MTHFD1: variants seen among roughly 807,000 people sequenced by gnomAD.
MTHFD1 encodes C-1-tetrahydrofolate synthase, cytoplasmic.
Under a neutral mutation model 110.3 loss-of-function variants are expected in MTHFD1, and 44 were observed. The ratio of observed to expected loss-of-function variants is 0.40; its 90% confidence interval spans 0.31 to 0.51. The LOEUF (loss-of-function observed/expected upper bound fraction) is 0.51, where lower values mean the gene tolerates loss of function less well. Ranked by LOEUF, MTHFD1 falls within the 20% of genes least tolerant of loss-of-function variation. The pLI, the probability that MTHFD1 is intolerant of heterozygous loss-of-function variation, is 0.60. For synonymous variants in MTHFD1, 402 were observed against 428.8 expected (o/e 0.94, Z 0.77); for missense variants, 909 against 1,173.1 (o/e 0.77, Z 3.29).
intron 1 of MTHFD1, among the ~76,000 whole-genome samples, chr14:64,397,583 A>T (rs1270973901): frequency 6.6e-6 from 1 of 152,056 alleles, no homozygotes; most frequent in Admixed American, 6.6e-5. Context: ...GTGAGCCATC[A>T]TGCCCGGCCC....
At chr14:64,425,426 G>C (rs1467505966) in intron 9 of MTHFD1, among the ~76,000 whole-genome samples, 1 of 152,046 alleles carries the variant, frequency 6.6e-6, no homozygotes, top group Non-Finnish European at 1.5e-5. Context: ...GGTTAGGCTG[G>C]TCTGGAACTC....
intron 8 of MTHFD1, among the ~76,000 whole-genome samples, chr14:64,422,174 T>C (rs1379985542): frequency 6.6e-6 from 1 of 152,158 alleles, no homozygotes; most frequent in Admixed American, 6.5e-5. Flanking sequence ...TTTTTACTGA[T>C]CTTGGGCATA....
chr14:64,422,698 G>A (rs557173651), intron 8 of MTHFD1, among the ~76,000 whole-genome samples: 28 of 152,266 alleles, frequency 1.8e-4, no homozygotes, highest in Middle Eastern at 6.8e-3. Flanking sequence ...ATGTAGAAGA[G>A]TCAGGGCTCA....
chr14:64,426,345 C>T (rs2078118276), intron 11 of MTHFD1, among the ~76,000 whole-genome samples, 153 bp downstream of exon 11: 1 of 152,018 alleles, frequency 6.6e-6, no homozygotes. Context: ...TTACAGCAAT[C>T]CTGAGAGGTA....
intron 24 of MTHFD1, among the ~76,000 whole-genome samples, chr14:64,452,624 A>G (rs923911751): frequency 1.3e-4 from 20 of 152,222 alleles, no homozygotes; most frequent in Non-Finnish European, 2.5e-4. Flanking sequence ...GACATGCCCA[A>G]TGCGTGTTGA....
At chr14:64,388,645 T>C (rs960562486) in intron 1 of MTHFD1, 177 bp downstream of exon 1, 9 of 699,918 alleles carry the variant, frequency 1.3e-5, no homozygotes, top group African/African-American at 3.5e-5. Flanking sequence ...CGTTTGCAAG[T>C]GGACTGCCTA....
chr14:64,395,898 C>T (rs1003200042), intron 1 of MTHFD1, among the ~76,000 whole-genome samples: 3 of 152,146 alleles, frequency 2.0e-5, no homozygotes, highest in African/African-American at 7.2e-5. Flanking sequence ...ACTTTACCCT[C>T]ACTAAGAATT....
intron 23 of MTHFD1, among the ~76,000 whole-genome samples, chr14:64,448,823 G>A (rs569767330): frequency 2.7e-5 from 4 of 149,698 alleles, no homozygotes; most frequent in Non-Finnish European, 4.4e-5. Context: ...TTTGGGGGAC[G>A]AAGTCTGTCT....
chr14:64,441,277 T>C (rs1045146774), intron 18 of MTHFD1, 108 bp from the exon 19 acceptor site: 19 of 1,004,068 alleles, frequency 1.9e-5, no homozygotes, highest in Non-Finnish European at 3.0e-5. Context: ...AAAGTATCAA[T>C]TGGTCCAAGA....
intron 8 of MTHFD1, among the ~76,000 whole-genome samples, chr14:64,423,194 A>G (rs1434362929): frequency 1.3e-5 from 2 of 152,070 alleles, no homozygotes; most frequent in African/African-American, 2.4e-5. Context: ...AACCATCCCA[A>G]TGAGTTGTGT....
chr14:64,415,114 C>T lies in MTHFD1; in HGVS notation c.241-244C>T, dbSNP rs2078015105. 1.3e-5 allele frequency among the ~76,000 whole-genome samples: 2 copies of T among 152,198 alleles called. 1 individual carries two copies. The highest frequency in any genetic ancestry group is 4.1e-4 in the South Asian group (2 of 4,836). The stretch of plus-strand genomic sequence containing the variant: ...CCTCCCAAAGTGCTGGGATTACAGG[C>T]ATGAGACACCTCGCCCAGCCTCTTA... On this transcript the variant is annotated intron_variant, in intron 4 of 27. Transcript: ENST00000652337.
At chr14:64,398,333 C>G (rs1363999464) in intron 1 of MTHFD1, among the ~76,000 whole-genome samples, 3 of 152,120 alleles carry the variant, frequency 2.0e-5, no homozygotes, top group Non-Finnish European at 4.4e-5. Context: ...ATCACTTGAG[C>G]TCAGGAGTTC....
intron 23 of MTHFD1, chr14:64,449,119 G>T: frequency 7.7e-6 from 3 of 389,834 alleles, no homozygotes; most frequent in South Asian, 6.5e-5. Context: ...TTAAATGCTA[G>T]TATTTACTGA....
chr14:64,400,954 T>G (rs550173274), intron 2 of MTHFD1, 77 bp downstream of exon 2: 8 of 1,074,676 alleles, frequency 7.4e-6, no homozygotes, highest in Non-Finnish European at 1.1e-5. Flanking sequence ...TCCCTCTACT[T>G]TCCTCCTTTT....
At chr14:64,441,756 T>TTG (rs1192898606) in intron 19 of MTHFD1, 1 of 547,454 alleles carries the variant, frequency 1.8e-6, no homozygotes, top group Non-Finnish European at 3.3e-6. Flanking sequence ...TGAGCCGAGA[T>TTG]CACGCCACTG....
At chr14:64,402,969 TA>T (rs1481548567) in intron 2 of MTHFD1, among the ~76,000 whole-genome samples, 3 of 152,086 alleles carry the variant, frequency 2.0e-5, no homozygotes, top group Non-Finnish European at 4.4e-5. Context: ...TTTATATATA[TA>T]TATTTTTTAC....
rs761738986 is a variant in MTHFD1, at chr14:64,426,285, C to A, written c.1127+93C>A. ...CACTTGGCACATGTATGTAGAGGTG[C>A]CTTTAATTTGATTTTAGCATTTTCA... On this transcript the variant is annotated intron_variant, in intron 11 of 27. Coordinates refer to ENST00000652337, the MANE Select transcript of MTHFD1 (RefSeq NM_005956.4). 4 of 1,438,710 alleles carry A rather than the reference C, an allele frequency of 2.8e-6. No homozygotes were observed. In the African/African-American group the frequency reaches 5.6e-5, roughly 20 times the overall value. 89.1% of individuals were successfully genotyped at this position (1,438,710 alleles called of 1,614,324 possible).
intron 8 of MTHFD1, among the ~76,000 whole-genome samples, chr14:64,421,694 G>A (rs1488876153): frequency 2.6e-5 from 4 of 151,704 alleles, no homozygotes; most frequent in African/African-American, 7.3e-5. Context: ...CGCGATCTCG[G>A]CTCACTGCAA....
In MTHFD1 at chr14:64,442,433, G is replaced by A. The variant is rs2236224; in HGVS notation, c.2136+31G>A. ...TGGTGGGTTGAAGTATCTGATTATC[G>A]GCAGTGTGCTGACGGCCAAAAGGAA... On this transcript the variant is annotated intron_variant, in intron 21 of 27. Coordinates refer to ENST00000652337, the MANE Select transcript of MTHFD1 (RefSeq NM_005956.4). 0.39 allele frequency: 633,285 copies of A among 1,609,322 alleles called. 128,880 individuals carry two copies. The highest frequency in any genetic ancestry group is 0.53 in the Admixed American group (31,556 of 59,980).
Sources: allele counts gnomAD v4.1 joint callset (sites outside exome capture counted in the v4.1 genomes callset), GRCh38; gene constraint gnomAD v4.1.1; transcripts MANE v1.5; gene names NCBI Gene and HGNC (gene_info 2026-07-23, HGNC 2026-07-21).